The following ADAMTS17 variants were observed in gnomAD, a reference collection of about 807,000 sequenced individuals.
The protein encoded by ADAMTS17 is A disintegrin and metalloproteinase with thrombospondin motifs 17.
In ADAMTS17, 113 loss-of-function variants were observed where a neutral mutation model predicts 141.5. The observed-to-expected ratio is 0.80, with a 90% CI of 0.69 to 0.93. The LOEUF is 0.93. Ranked by LOEUF, ADAMTS17 falls within the 40% of genes least tolerant of loss-of-function variation. ADAMTS17 has a pLI of 0.00. For missense variants in ADAMTS17, 1,659 were observed against 1,517.9 expected (o/e 1.09, Z -1.54); for synonymous variants, 768 against 630.6 (o/e 1.22, Z -3.27).
chr15:100,339,259 A>G (rs1362108717), intron 2 of ADAMTS17: 6 of 722,308 alleles, frequency 8.3e-6, no homozygotes, highest in Non-Finnish European at 1.0e-5. Flanking sequence ...CTCATTCTGC[A>G]AGGATTTTAA....
At chr15:99,999,488 G>A (rs1228486683) in intron 18 of ADAMTS17, among the ~76,000 whole-genome samples, 1 of 152,048 alleles carries the variant, frequency 6.6e-6, no homozygotes, top group African/African-American at 2.4e-5. Flanking sequence ...AGGTCACAGG[G>A]GTGCAAAGGC....
At chr15:99,998,025 G>A (rs191068492) in intron 18 of ADAMTS17, among the ~76,000 whole-genome samples, 1 of 152,168 alleles carries the variant, frequency 6.6e-6, no homozygotes, top group Non-Finnish European at 1.5e-5. Context: ...AACAGTCCCA[G>A]TACAGGGAAT....
intron 20 of ADAMTS17, chr15:99,976,634 G>T (rs537584444): frequency 3.1e-6 from 1 of 322,232 alleles, no homozygotes; most frequent in South Asian, 2.9e-5. Flanking sequence ...TGTCATGAGG[G>T]TGGAGCCTCC....
At chr15:100,272,303 ATC>A (rs1240997115) in intron 4 of ADAMTS17, among the ~76,000 whole-genome samples, 1 of 152,164 alleles carries the variant, frequency 6.6e-6, no homozygotes, top group African/African-American at 2.4e-5. Context: ...TAACATTGAT[ATC>A]TTAACAATAA....
chr15:100,160,912 T>C (rs999570564), intron 8 of ADAMTS17, among the ~76,000 whole-genome samples: 1 of 152,140 alleles, frequency 6.6e-6, no homozygotes, highest in Non-Finnish European at 1.5e-5. Context: ...ATTTTTAGTT[T>C]AAATTAAAGA....
At chr15:100,065,892 C>G (rs59432616) in intron 15 of ADAMTS17, among the ~76,000 whole-genome samples, 4,537 of 152,232 alleles carry the variant, frequency 0.03, 243 homozygotes, top group African/African-American at 0.1. Flanking sequence ...CCTCAACAGG[C>G]TGGGGGGTGT....
intron 18 of ADAMTS17, among the ~76,000 whole-genome samples, chr15:100,038,972 G>C (rs1445885280): frequency 6.6e-6 from 1 of 152,182 alleles, no homozygotes; most frequent in East Asian, 1.9e-4. Flanking sequence ...TCTTTATTCG[G>C]TTTCAGTAGC....
At chr15:100,022,281 G>T (rs1425865717) in intron 18 of ADAMTS17, among the ~76,000 whole-genome samples, 1 of 152,132 alleles carries the variant, frequency 6.6e-6, no homozygotes, top group African/African-American at 2.4e-5. Flanking sequence ...ACAACCCCAT[G>T]TGCTGACTTA....
At chr15:99,987,617 C>T (rs765979821) in intron 20 of ADAMTS17, among the ~76,000 whole-genome samples, 2 of 152,170 alleles carry the variant, frequency 1.3e-5, no homozygotes, top group Non-Finnish European at 2.9e-5. Context: ...ATACGGCAAA[C>T]GTAAACAGTC....
intron 15 of ADAMTS17, among the ~76,000 whole-genome samples, chr15:100,068,214 C>G (rs866349526): frequency 6.6e-6 from 1 of 152,138 alleles, no homozygotes; most frequent in Non-Finnish European, 1.5e-5. Flanking sequence ...GAGGGGCGCC[C>G]GCCATTGTCC....
At chr15:100,271,585 GT>G (rs78333467) in intron 4 of ADAMTS17, among the ~76,000 whole-genome samples, 110,028 of 149,318 alleles carry the variant, frequency 0.74, 40,385 homozygotes, top group East Asian at 0.95. Context: ...AAATTGAATT[GT>G]TTTTTTTTTT....
chr15:100,338,903 G>T, intron 2 of ADAMTS17: 1 of 976,274 alleles, frequency 1.0e-6, no homozygotes, highest in Non-Finnish European at 1.2e-6. Flanking sequence ...AATTCCTGTT[G>T]CTTTCTTTTC....
intron 7 of ADAMTS17, among the ~76,000 whole-genome samples, chr15:100,245,866 G>C (rs532773781): frequency 6.6e-6 from 1 of 152,296 alleles, no homozygotes; most frequent in East Asian, 1.9e-4. Context: ...ATGCACCCCA[G>C]GCATGCATGA....
At chr15:100,155,879 C>T (rs35855834) in intron 8 of ADAMTS17, among the ~76,000 whole-genome samples, 6,333 of 152,272 alleles carry the variant, frequency 0.042, 153 homozygotes, top group South Asian at 0.067. Context: ...ACCAGGATGC[C>T]TGTCTAGGCC....
intron 2 of ADAMTS17, among the ~76,000 whole-genome samples, chr15:100,335,135 C>T (rs150816649): frequency 5.7e-4 from 87 of 152,258 alleles, no homozygotes; most frequent in African/African-American, 1.9e-3. Context: ...AGACCTGCTA[C>T]ATCAAAAACT....
intron 18 of ADAMTS17, among the ~76,000 whole-genome samples, chr15:100,044,868 C>T (rs560254642): frequency 3.3e-5 from 5 of 149,726 alleles, no homozygotes; most frequent in South Asian, 2.1e-4. Flanking sequence ...AGTACAGTGG[C>T]GTGATCTCAG....
rs73481979 is a variant in ADAMTS17, at chr15:100,264,546, C to T, written c.790-2111G>A. Among the ~76,000 whole-genome samples, 511 of 152,250 alleles carry T rather than the reference C, an allele frequency of 3.4e-3. 6 individuals carry two copies. Among genetic ancestry groups the T allele is most frequent in the African/African-American group, 0.012 (481 of 41,544 alleles). On this transcript the variant is annotated intron_variant, in intron 4 of 21. Transcript: ENST00000268070. ...ATACTACAGATTTAAAGAAGTAACA[C>T]GAGAAAGCAATCCTCAGTCATATTC... is the stretch of plus-strand genomic sequence containing the variant.
intron 2 of ADAMTS17, among the ~76,000 whole-genome samples, chr15:100,340,415 G>A (rs79559450): frequency 0.015 from 2,253 of 152,262 alleles, 65 homozygotes; most frequent in African/African-American, 0.049. Context: ...CCTGGTTGGG[G>A]GTGGGCACCA....
intron 18 of ADAMTS17, among the ~76,000 whole-genome samples, chr15:100,025,152 A>T (rs761160068): frequency 6.6e-6 from 1 of 152,168 alleles, no homozygotes; most frequent in Non-Finnish European, 1.5e-5. Context: ...TGAAGCATAA[A>T]TATTCATAAC....
Sources: gnomAD v4.1 joint callset for allele counts (sites outside exome capture counted in the v4.1 genomes callset) on GRCh38, gnomAD v4.1.1 for gene constraint, MANE v1.5 for transcripts, NCBI Gene and HGNC (gene_info 2026-07-23, HGNC 2026-07-21) for gene names.